ZNF521: variants seen among roughly 807,000 people sequenced by gnomAD.
The protein encoded by ZNF521 is zinc finger protein 521, also known as LYST-interacting protein 3.
In ZNF521, 14 loss-of-function variants were observed where a neutral mutation model predicts 105.5. The ratio of observed to expected loss-of-function variants is 0.13; its 90% CI spans 0.09 to 0.21. The LOEUF is 0.21. Ranked by LOEUF, ZNF521 falls within the 10% of genes least tolerant of loss-of-function variation. The pLI, the probability that ZNF521 is intolerant of heterozygous loss-of-function variation, is 1.00. For synonymous variants in ZNF521, 635 were observed against 606.0 expected, an observed-to-expected ratio of 1.05 and a Z score of -0.70; for missense variants, 1,233 against 1,629.7, an observed-to-expected ratio of 0.76 and a Z score of 4.19.
At chr18:25,281,274 G>A (rs938571199) in intron 3 of ZNF521, among the ~76,000 whole-genome samples, 1 of 152,218 alleles carries the variant, frequency 6.6e-6, no homozygotes, top group Non-Finnish European at 1.5e-5. Context: ...TATGCTTGAT[G>A]TAAACCTACT....
intron 5 of ZNF521, among the ~76,000 whole-genome samples, chr18:25,096,600 G>A (rs1366135766): frequency 1.3e-5 from 2 of 152,132 alleles, no homozygotes; most frequent in African/African-American, 4.8e-5. Context: ...AAAATCTAGA[G>A]TGGCTACAAG....
At chr18:25,210,837 G>T (rs1189904652) in intron 4 of ZNF521, among the ~76,000 whole-genome samples, 1 of 152,202 alleles carries the variant, frequency 6.6e-6, no homozygotes, top group East Asian at 1.9e-4. Flanking sequence ...TCTGCTCCAG[G>T]CATACTGTCT....
At chr18:25,321,504 T>TA (rs1036540742) in intron 3 of ZNF521, among the ~76,000 whole-genome samples, 2 of 152,160 alleles carry the variant, frequency 1.3e-5, no homozygotes, top group Non-Finnish European at 2.9e-5. Context: ...GCTTTCAGTC[T>TA]AACGAGTGAG....
At chr18:25,098,563 TG>T (rs1273164369) in intron 5 of ZNF521, among the ~76,000 whole-genome samples, 1 of 152,082 alleles carries the variant, frequency 6.6e-6, no homozygotes, top group Non-Finnish European at 1.5e-5. Context: ...AAGAAAGTAG[TG>T]GATATTTCTT....
intron 5 of ZNF521, among the ~76,000 whole-genome samples, chr18:25,099,569 T>C (rs2033923860): frequency 6.6e-6 from 1 of 152,214 alleles, no homozygotes; most frequent in Admixed American, 6.5e-5. Flanking sequence ...AAAGAAGGGA[T>C]AATTACCTTT....
chr18:25,266,369 A>T (rs1198263010), intron 3 of ZNF521, among the ~76,000 whole-genome samples: 1 of 152,266 alleles, frequency 6.6e-6, no homozygotes, highest in Non-Finnish European at 1.5e-5. Context: ...CAATCTGATT[A>T]AATCAGTTTT....
chr18:25,192,743 G>A (rs1228923096), intron 5 of ZNF521, among the ~76,000 whole-genome samples: 5 of 150,698 alleles, frequency 3.3e-5, no homozygotes, highest in Admixed American at 3.3e-4. Context: ...TACCCTCAAT[G>A]GAGGTATTTT....
chr18:25,182,114 AT>A (rs1302336845), intron 5 of ZNF521, among the ~76,000 whole-genome samples: 1 of 152,164 alleles, frequency 6.6e-6, no homozygotes, highest in African/African-American at 2.4e-5. Context: ...CAAGAATGAT[AT>A]GCTCTTTGGA....
intron 7 of ZNF521, among the ~76,000 whole-genome samples, chr18:25,088,565 A>G (rs762149902): frequency 6.6e-6 from 1 of 152,148 alleles, no homozygotes; most frequent in Non-Finnish European, 1.5e-5. Context: ...ACGGGAACCA[A>G]TAAGATTGAA....
intron 3 of ZNF521, among the ~76,000 whole-genome samples, chr18:25,285,073 A>C (rs576565415): frequency 1.3e-5 from 2 of 152,148 alleles, no homozygotes; most frequent in African/African-American, 4.8e-5. Flanking sequence ...GAAAAAAAAA[A>C]AAAACACTTC....
intron 4 of ZNF521, chr18:25,202,939 A>C (rs2036016570): frequency 1.3e-5 from 2 of 152,212 alleles, no homozygotes; most frequent in Non-Finnish European, 2.9e-5. Context: ...TCTAATTTGT[A>C]TTCTTGTGAC....
chr18:25,265,683 C>A (rs925221616), intron 3 of ZNF521, among the ~76,000 whole-genome samples: 1 of 152,172 alleles, frequency 6.6e-6, no homozygotes, highest in Non-Finnish European at 1.5e-5. Context: ...TATCCCATTG[C>A]GGGGCATATA....
At chr18:25,337,021 A>G (rs1054577437) in intron 2 of ZNF521, among the ~76,000 whole-genome samples, 2 of 152,190 alleles carry the variant, frequency 1.3e-5, no homozygotes, top group Non-Finnish European at 2.9e-5. Context: ...TAACTTTCCC[A>G]AGGTCAATCA....
intron 7 of ZNF521, among the ~76,000 whole-genome samples, chr18:25,073,496 T>C (rs1567949241): frequency 6.6e-6 from 1 of 152,222 alleles, no homozygotes; most frequent in Non-Finnish European, 1.5e-5. Context: ...CACTGAAAGA[T>C]GGTGGAGCAG....
chr18:25,215,613 T>C, intron 4 of ZNF521, among the ~76,000 whole-genome samples: 1 of 152,218 alleles, frequency 6.6e-6, no homozygotes, highest in East Asian at 1.9e-4. Context: ...AATCAGCAAT[T>C]TGAAATACAA....
chr18:25,193,497 G>A (rs536782921), intron 5 of ZNF521, among the ~76,000 whole-genome samples: 5 of 152,074 alleles, frequency 3.3e-5, no homozygotes, highest in African/African-American at 9.6e-5. Context: ...CTATCTAAAA[G>A]TGCAGCATGA....
intron 2 of ZNF521, among the ~76,000 whole-genome samples, chr18:25,337,824 G>A (rs1467005369): frequency 1.4e-5 from 2 of 142,620 alleles, no homozygotes; most frequent in African/African-American, 6.2e-5. Context: ...CTGCAACACA[G>A]ATAAGTAACT....
At position 25,084,225 on chromosome 18, in the gene ZNF521, T is replaced by G. The variant is rs142610957; in HGVS notation, c.3906+5240A>C. 1.3e-4 allele frequency among the ~76,000 whole-genome samples: 19 copies of G among 151,562 alleles called. No individual in the cohort carries two copies. The East Asian group carries it at 3.5e-3, about 28-fold the overall frequency. On this transcript the variant is annotated intron_variant, in intron 7 of 7. Transcript: ENST00000361524. ...ATTATTTAATAATGTGAGACAGATT[T>G]TGTGTTATACTCACTGAGAAGCTGG...
chr18:25,183,218 G>T (rs768081516), intron 5 of ZNF521, among the ~76,000 whole-genome samples: 1 of 151,886 alleles, frequency 6.6e-6, no homozygotes, highest in Admixed American at 6.6e-5. Context: ...ACTATAAATC[G>T]ATTTCCCCTC....
Sources: gnomAD v4.1 joint callset for allele counts (sites outside exome capture counted in the v4.1 genomes callset) on GRCh38, gnomAD v4.1.1 for gene constraint, MANE v1.5 for transcripts, NCBI Gene and HGNC (gene_info 2026-07-23, HGNC 2026-07-21) for gene names.